DMD: variants seen among roughly 807,000 people sequenced by gnomAD.
DMD encodes the protein mutant dystrophin.
DMD carries 63 observed loss-of-function variants against 330.1 expected under a neutral mutation model. The ratio of observed to expected loss-of-function variants is 0.19; its 90% CI spans 0.16 to 0.24. The LOEUF is 0.24. Among genes scored for constraint, DMD ranks in the 10% least tolerant of loss-of-function variants. The pLI is 1.00. For synonymous variants in DMD, 1,223 were observed against 959.8 expected (o/e 1.27, Z -5.07); for missense variants, 3,344 against 2,684.1 (o/e 1.25, Z -5.43).
chrX:32,697,994 G>A lies in DMD; in HGVS notation c.836C>T (p.Thr279Met), dbSNP rs369135184. 1.0e-5 allele frequency: 12 copies of A among 1,189,021 alleles called. No homozygotes were observed. In the Admixed American group the frequency reaches 1.2e-4, roughly 12 times the overall value. Residue 279 changes from threonine to methionine, a missense_variant, in exon 9 of 79, where the codon ACG becomes ATG. Coordinates refer to ENST00000357033, the MANE Select transcript of DMD (RefSeq NM_004006.3). ...CTCATATCCCTGTGCTAGACTGACCGTGATCTGCAGAGAAGGGTTTGGGGG... is the reference window on the plus strand; with the variant it reads ...CTCATATCCCTGTGCTAGACTGACCATGATCTGCAGAGAAGGGTTTGGGGG... ...HHQMHYSQQI[T>M]VSLAQGYERT... is the part of the protein sequence containing the mutation.
intron 44 of DMD, among the ~76,000 whole-genome samples, chrX:32,004,828 T>C (rs2095650364): frequency 8.9e-6 from 1 of 111,803 alleles, no homozygotes; most frequent in Non-Finnish European, 1.9e-5. Context: ...ATTTTAAAGT[T>C]AAATGGAGTG....
At chrX:31,918,794 C>G (rs1019087657) in intron 47 of DMD, among the ~76,000 whole-genome samples, 2 of 110,325 alleles carry the variant, frequency 1.8e-5, no homozygotes, top group Non-Finnish European at 3.8e-5. Context: ...TGTGCCACCA[C>G]GCCCAGCTAA....
chrX:33,006,078 C>G (rs993396628), intron 2 of DMD, among the ~76,000 whole-genome samples: 1 of 111,360 alleles, frequency 9.0e-6, no homozygotes, highest in Admixed American at 9.6e-5. Context: ...CTACAAAACT[C>G]TGATGAAAGT....
intron 7 of DMD, among the ~76,000 whole-genome samples, chrX:32,718,665 TC>T (rs1363465240): frequency 7.1e-5 from 8 of 112,157 alleles, no homozygotes; most frequent in African/African-American, 2.6e-4. Flanking sequence ...ACTGACTAGT[TC>T]TGGCTTCCTG....
intron 44 of DMD, among the ~76,000 whole-genome samples, chrX:31,987,936 C>T (rs769176786): frequency 5.3e-4 from 59 of 111,839 alleles, no homozygotes; most frequent in Middle Eastern, 4.6e-3. Flanking sequence ...ATAGAATCAA[C>T]TTAAGTGTTT....
intron 74 of DMD, among the ~76,000 whole-genome samples, chrX:31,149,356 T>G (rs756794416): frequency 3.0e-4 from 34 of 112,290 alleles, no homozygotes; most frequent in African/African-American, 1.6e-4. Context: ...CACTCCAGCT[T>G]TAAATCAATT....
intron 53 of DMD, among the ~76,000 whole-genome samples, chrX:31,670,068 GTAAA>G (rs1158274238): frequency 1.8e-5 from 2 of 111,019 alleles, no homozygotes; most frequent in African/African-American, 6.5e-5. Flanking sequence ...TGATGCCATT[GTAAA>G]TATTTTCTTA....
intron 16 of DMD, among the ~76,000 whole-genome samples, chrX:32,546,083 G>T (rs776504685): frequency 9.5e-6 from 1 of 105,212 alleles, no homozygotes; most frequent in Non-Finnish European, 1.9e-5. Context: ...CGGGCCGGGG[G>T]CAACAGTTCA....
At chrX:32,837,471 A>T (rs1390718428) in intron 4 of DMD, among the ~76,000 whole-genome samples, 1 of 110,930 alleles carries the variant, frequency 9.0e-6, no homozygotes, top group Non-Finnish European at 1.9e-5. Flanking sequence ...CGCTCTCCCA[A>T]CATGAGGGAT....
chrX:32,993,565 T>C (rs1395023627), intron 2 of DMD, among the ~76,000 whole-genome samples: 1 of 107,251 alleles, frequency 9.3e-6, no homozygotes, highest in Admixed American at 1.0e-4. Flanking sequence ...ATCATGCCAC[T>C]GCACTCCAGC....
intron 1 of DMD, among the ~76,000 whole-genome samples, chrX:33,250,946 G>T (rs1205972903): frequency 1.8e-5 from 2 of 110,859 alleles, no homozygotes; most frequent in Non-Finnish European, 3.8e-5. Flanking sequence ...CTAAGAATGA[G>T]AATCACATTT....
chrX:32,419,049 A>G, intron 29 of DMD, among the ~76,000 whole-genome samples: 1 of 106,659 alleles, frequency 9.4e-6, no homozygotes, highest in East Asian at 3.0e-4. Context: ...AAAATCTTTG[A>G]GATTGATTAG....
intron 44 of DMD, among the ~76,000 whole-genome samples, chrX:32,147,889 T>G (rs1230549515): frequency 9.7e-6 from 1 of 103,432 alleles, no homozygotes; most frequent in Non-Finnish European, 2.0e-5. Flanking sequence ...TTTTTTTTTT[T>G]TTTTTTGAGA....
chrX:31,820,798 G>C (rs2092736808), intron 49 of DMD, among the ~76,000 whole-genome samples: 1 of 111,937 alleles, frequency 8.9e-6, no homozygotes, highest in Non-Finnish European at 1.9e-5. Flanking sequence ...TATATGGCCA[G>C]TGGTGTGCTG....
chrX:33,086,672 A>G (rs1180119484), intron 1 of DMD, among the ~76,000 whole-genome samples: 1 of 110,480 alleles, frequency 9.1e-6, no homozygotes, highest in East Asian at 2.8e-4. Flanking sequence ...AGAAAGACTG[A>G]CCCAATATTA....
intron 47 of DMD, among the ~76,000 whole-genome samples, chrX:31,907,121 G>T (rs1193384620): frequency 1.8e-5 from 2 of 111,753 alleles, no homozygotes; most frequent in Admixed American, 1.9e-4. Context: ...TCTTGATTTG[G>T]GTCTCCCAGT....
At chrX:33,036,261 A>G (rs1450084643) in intron 1 of DMD, among the ~76,000 whole-genome samples, 4 of 111,827 alleles carry the variant, frequency 3.6e-5, no homozygotes, top group African/African-American at 1.3e-4. Flanking sequence ...TGAGTATTAA[A>G]AGCTTTAGGA....
At chrX:33,120,120 C>T (rs1286971076) in intron 1 of DMD, among the ~76,000 whole-genome samples, 1 of 112,198 alleles carries the variant, frequency 8.9e-6, no homozygotes, top group Non-Finnish European at 1.9e-5. Context: ...TCTCGCTAAC[C>T]TTCTGTGTTA....
chrX:32,263,698 G>C (rs1001561422), intron 43 of DMD, among the ~76,000 whole-genome samples: 1 of 111,262 alleles, frequency 9.0e-6, no homozygotes, highest in African/African-American at 3.3e-5. Context: ...GCTAGCTCTG[G>C]ACGACAAAAG....
Sources: allele counts gnomAD v4.1 joint callset (sites outside exome capture counted in the v4.1 genomes callset), GRCh38; gene constraint gnomAD v4.1.1; transcripts MANE v1.5; gene names NCBI Gene and HGNC (gene_info 2026-07-23, HGNC 2026-07-21).